DLG1: variants seen among roughly 807,000 people sequenced by gnomAD.
DLG1 encodes discs large MAGUK scaffold protein 1.
DLG1 carries 42 observed loss-of-function variants against 123.4 expected under a neutral mutation model. That is an observed-to-expected ratio of 0.34 (90% CI 0.27 to 0.44). The LOEUF is 0.44. Among genes scored for constraint, DLG1 ranks in the 20% least tolerant of loss-of-function variants. The pLI is 1.00. For synonymous variants in DLG1, 317 were observed against 356.2 expected, an observed-to-expected ratio of 0.89 and a Z score of 1.24; for missense variants, 942 against 1,082.6, an observed-to-expected ratio of 0.87 and a Z score of 1.82.
At chr3:197,086,970 A>C (rs1189155947) in intron 15 of DLG1, among the ~76,000 whole-genome samples, 1 of 152,226 alleles carries the variant, frequency 6.6e-6, no homozygotes, top group African/African-American at 2.4e-5. Context: ...TAGCATTTTA[A>C]CATTCTCTTT....
At chr3:197,273,848 C>CAAAAAAAAAAAAAAAAA (rs1765032788) in intron 4 of DLG1, among the ~76,000 whole-genome samples, 1 of 3,684 alleles carries the variant, frequency 2.7e-4, no homozygotes, top group East Asian at 0.012. Flanking sequence ...ATAATAGCTA[C>CAAAAAAAAAAAAAAAAA]CAAAAAAAAA....
intron 15 of DLG1, among the ~76,000 whole-genome samples, chr3:197,088,083 G>T (rs1376213383): frequency 6.6e-6 from 1 of 152,150 alleles, no homozygotes; most frequent in Non-Finnish European, 1.5e-5. Context: ...AGAACAGAAT[G>T]ACGTGGGACA....
chr3:197,297,002 G>T, intron 2 of DLG1, 184 bp downstream of exon 2: 2 of 662,270 alleles, frequency 3.0e-6, no homozygotes, highest in East Asian at 6.3e-5. Context: ...TGTTAAGAAA[G>T]TTTAACAAAC....
chr3:197,259,006 T>C (rs1312285746), intron 4 of DLG1, among the ~76,000 whole-genome samples: 1 of 151,986 alleles, frequency 6.6e-6, no homozygotes, highest in Non-Finnish European at 1.5e-5. Flanking sequence ...AAAGAGTCAA[T>C]GTAAAAAAAT....
chr3:197,052,468 T>G (rs1400218139), intron 23 of DLG1, among the ~76,000 whole-genome samples: 1 of 151,720 alleles, frequency 6.6e-6, no homozygotes, highest in Admixed American at 6.6e-5. Context: ...AACAACAAAA[T>G]AAATAAATAA....
chr3:197,241,203 T>C (rs531844436), intron 4 of DLG1, among the ~76,000 whole-genome samples: 1 of 152,158 alleles, frequency 6.6e-6, no homozygotes, highest in South Asian at 2.1e-4. Flanking sequence ...GACAACAGAC[T>C]TCTCAACGGA....
chr3:197,057,047 T>C (rs928805080), intron 23 of DLG1, among the ~76,000 whole-genome samples: 2 of 152,020 alleles, frequency 1.3e-5, no homozygotes, highest in South Asian at 2.1e-4. Context: ...CCTGATAGTA[T>C]TTGGGTAGTT....
chr3:197,077,747 G>A (rs1016616782), intron 17 of DLG1, among the ~76,000 whole-genome samples: 3 of 152,144 alleles, frequency 2.0e-5, no homozygotes, highest in Non-Finnish European at 4.4e-5. Flanking sequence ...GCACAAGAAC[G>A]ATGAGGCTAT....
chr3:197,228,919 AAG>A (rs1054791883), intron 4 of DLG1, among the ~76,000 whole-genome samples: 7 of 152,228 alleles, frequency 4.6e-5, no homozygotes, highest in African/African-American at 1.7e-4. Flanking sequence ...AGCTTGGAAA[AAG>A]AGGCAAAAAA....
At chr3:197,280,290 G>A (rs1768596067) in intron 4 of DLG1, among the ~76,000 whole-genome samples, 2 of 151,980 alleles carry the variant, frequency 1.3e-5, no homozygotes, top group Non-Finnish European at 2.9e-5. Context: ...CCATGTTGCT[G>A]CAAATGACAG....
chr3:197,052,998 G>A (rs564628379), intron 23 of DLG1, among the ~76,000 whole-genome samples: 25 of 152,262 alleles, frequency 1.6e-4, no homozygotes, highest in Non-Finnish European at 2.9e-4. Flanking sequence ...CTTTTTGTAA[G>A]AAATTATCTT....
intron 4 of DLG1, among the ~76,000 whole-genome samples, chr3:197,244,622 A>G (rs1301192979): frequency 2.6e-5 from 4 of 151,774 alleles, no homozygotes; most frequent in Non-Finnish European, 4.4e-5. Flanking sequence ...TTAGCTTGGT[A>G]GGAATTGGTC....
rs557080194 is a variant in DLG1 at position 197,168,802 on chromosome 3, G to A, written c.484-19006C>T. 8.5e-5 allele frequency among the ~76,000 whole-genome samples: 13 copies of A among 152,154 alleles called. 1 individual carries two copies. The highest frequency in any genetic ancestry group is 4.1e-4 in the South Asian group (2 of 4,826). On this transcript the variant is annotated intron_variant, in intron 5 of 24. Transcript: ENST00000667157. ...AAATCTTGACCATGTGACTAGCAACGGTCTCAGTTGTTTCTATCCACAGCA... is the reference window on the plus strand; with the variant it reads ...AAATCTTGACCATGTGACTAGCAACAGTCTCAGTTGTTTCTATCCACAGCA...
At chr3:197,219,590 C>T (rs1578234270) in intron 4 of DLG1, among the ~76,000 whole-genome samples, 1 of 152,184 alleles carries the variant, frequency 6.6e-6, no homozygotes, top group East Asian at 1.9e-4. Context: ...TACTGAAGTC[C>T]TAACTTCTAG....
At chr3:197,131,568 T>G (rs1782464972) in intron 10 of DLG1, among the ~76,000 whole-genome samples, 1 of 150,018 alleles carries the variant, frequency 6.7e-6, no homozygotes, top group Non-Finnish European at 1.5e-5. Context: ...GCAAATATAG[T>G]TTTATTTCTT....
Position 197,044,735 on chromosome 3 carries a change from A to ATGAT in DLG1, c.2576-10_2576-7dup, listed in dbSNP as rs749068090. ...CGTATCCCCCTGTACAATAGCTGTA[A>ATGAT]TGATAGAAACAAAATCAGAAATCTC... On this transcript the variant is annotated splice_polypyrimidine_tract_variant and splice_region_variant and intron_variant, in intron 24 of 24. Coordinates refer to ENST00000667157, the MANE Select transcript of DLG1 (RefSeq NM_001366207.1). The ATGAT allele has an allele frequency of 2.7e-6, 4 of 1,501,284 alleles. No individual in the cohort carries two copies. The highest frequency in any genetic ancestry group is 2.8e-5 in the African/African-American group (2 of 70,930). The allele number at this position is 1,501,284 out of a possible 1,614,324, so 93.0% of individuals were successfully genotyped here.
At chr3:197,222,547 C>T (rs1332197784) in intron 4 of DLG1, among the ~76,000 whole-genome samples, 1 of 151,966 alleles carries the variant, frequency 6.6e-6, no homozygotes, top group East Asian at 1.9e-4. Context: ...GTTTTCCACC[C>T]AATTATCTCT....
chr3:197,296,495 A>C lies in DLG1; in HGVS notation c.20-18T>G. ...CTGGGTATCTGAGAAGAAAAAGCAG[A>C]GCCTGATTAAAACTCTCTATTTACA... On this transcript the variant is annotated intron_variant, in intron 2 of 24. Coordinates refer to ENST00000667157, the MANE Select transcript of DLG1 (RefSeq NM_001366207.1). 1 of 1,611,758 alleles carries C rather than the reference A, an allele frequency of 6.2e-7. No individual in the cohort carries two copies. The highest frequency in any genetic ancestry group is 1.1e-5 in the South Asian group (1 of 90,790).
intron 3 of DLG1, among the ~76,000 whole-genome samples, chr3:197,291,976 G>A (rs547054479): frequency 1.3e-5 from 2 of 152,220 alleles, no homozygotes; most frequent in East Asian, 1.9e-4. Context: ...ATTAAGTATC[G>A]GCAAGGATGT....
Sources: allele counts gnomAD v4.1 joint callset (sites outside exome capture counted in the v4.1 genomes callset), GRCh38; gene constraint gnomAD v4.1.1; transcripts MANE v1.5; gene names NCBI Gene and HGNC (gene_info 2026-07-23, HGNC 2026-07-21).